PTPRU: variants seen among roughly 807,000 people sequenced by gnomAD.
The protein encoded by PTPRU is protein tyrosine phosphatase receptor type U.
A neutral mutation model predicts 166.3 loss-of-function variants in PTPRU; 69 were observed. The ratio of observed to expected loss-of-function variants is 0.41; its 90% CI spans 0.34 to 0.51. The LOEUF (loss-of-function observed/expected upper bound fraction) is 0.51, where lower values mean the gene tolerates loss of function less well. PTPRU is among the 20% of genes least tolerant of loss of function. The pLI, the probability that PTPRU is intolerant of heterozygous loss-of-function variation, is 0.09. For missense variants in PTPRU, 1,657 were observed against 2,013.7 expected, an observed-to-expected ratio of 0.82 and a Z score of 3.39; for synonymous variants, 793 against 814.0, an observed-to-expected ratio of 0.97 and a Z score of 0.44.
At chr1:29,314,939 C>A (rs79746538) in intron 22 of PTPRU, among the ~76,000 whole-genome samples, 4,275 of 152,264 alleles carry the variant, frequency 0.028, 198 homozygotes, top group African/African-American at 0.097. Flanking sequence ...AGAATGACAT[C>A]ATCCTGGAAG....
chr1:29,273,253 A>C (rs1685648830), intron 7 of PTPRU, among the ~76,000 whole-genome samples: 1 of 152,014 alleles, frequency 6.6e-6, no homozygotes. Flanking sequence ...TTTGCTTCAG[A>C]AGCCTTGACT....
chr1:29,311,717 G>T lies in PTPRU; in HGVS notation c.3030G>T (p.Glu1010Asp). The change falls in exon 21 of 30, where the codon GAG becomes GAT. Residue 1010 changes from glutamate (E) to aspartate (D), a missense_variant. Around this residue, in one of 3 missense-constraint regions of PTPRU, gnomAD observed 1,190 missense variants for 1,477.4 expected, o/e 0.81. Transcript: ENST00000373779. This position sits in a 1 kb window ranked among gnomAD's most constrained non-coding sequence, Gnocchi z 4.1. ...TCAAGATTATGCTGGTGAAGACAGA[G>T]ACCCTGGCTGAGTATGTCGTGCGCA... The part of the protein sequence containing the change: ...GDIKIMLVKT[E>D]TLAEYVVRTF... 6.2e-7 allele frequency: 1 copy of T among 1,614,206 alleles called. No individual in the cohort carries two copies. The highest frequency in any genetic ancestry group is 1.1e-5 in the South Asian group (1 of 91,074).
At chr1:29,324,900 T>A (rs2235942) in intron 28 of PTPRU, among the ~76,000 whole-genome samples, 1 of 150,796 alleles carries the variant, frequency 6.6e-6, no homozygotes, top group Admixed American at 6.6e-5. Context: ...ACCTCTGGAC[T>A]CTTTGGCCCC....
At chr1:29,255,512 T>C (rs534532435) in intron 2 of PTPRU, 106 bp downstream of exon 2, 1 of 1,468,290 alleles carries the variant, frequency 6.8e-7, no homozygotes, top group East Asian at 2.3e-5. Flanking sequence ...CTGGGCCCCA[T>C]CTACATTTGC....
chr1:29,270,765 C>G (rs1452807764), intron 7 of PTPRU, among the ~76,000 whole-genome samples: 5 of 152,174 alleles, frequency 3.3e-5, no homozygotes, highest in Non-Finnish European at 7.4e-5. Flanking sequence ...GAGATTGAGA[C>G]CAGACTGGGG....
At chr1:29,300,060 G>C (rs1244441468) in intron 15 of PTPRU, among the ~76,000 whole-genome samples, 1 of 152,116 alleles carries the variant, frequency 6.6e-6, no homozygotes, top group Non-Finnish European at 1.5e-5. Flanking sequence ...CACGGGGCTG[G>C]GTGCTTTATA....
At chr1:29,269,246 A>ATATT (rs1266094646) in intron 7 of PTPRU, among the ~76,000 whole-genome samples, 13 of 20,584 alleles carry the variant, frequency 6.3e-4, no homozygotes, top group Admixed American at 1.1e-3. Flanking sequence ...ATATATATAT[A>ATATT]TTTTTTTTTT....
Position 29,311,631 on chromosome 1 carries a change from TG to T in PTPRU, c.2956-8del. The T allele has an allele frequency of 6.2e-7, 1 of 1,614,020 alleles. No homozygotes were observed. ...AAAGAGCCCACTGAGTCCCGTCCTG[TG>T]GGGCCTCTAGGTGAAATGCTCACGG... On this transcript the variant is annotated splice_polypyrimidine_tract_variant and intron_variant, in intron 20 of 29. Transcript: ENST00000373779. The surrounding 1 kb of genome is among the most constrained non-coding windows in gnomAD (Gnocchi z 4.1).
At chr1:29,241,614 A>T (rs1273858725) in intron 1 of PTPRU, among the ~76,000 whole-genome samples, 23 of 143,332 alleles carry the variant, frequency 1.6e-4, no homozygotes, top group Non-Finnish European at 7.5e-5. Context: ...CTTTTTTTTG[A>T]GATGGAGTCT....
rs1451953033 is a variant in PTPRU, at chr1:29,284,938, T to C, written c.2318+69T>C. 3 of 1,535,168 alleles carry C rather than the reference T, an allele frequency of 2.0e-6. No homozygotes were observed. The Admixed American group carries it at 5.9e-5, about 30-fold the overall frequency. On this transcript the variant is annotated intron_variant, in intron 14 of 29. Transcript: ENST00000373779. ...TTAGAGGCCTGGTGGCACAGAGGAA[T>C]AGTGGCTAAGAGCTGGTAGGGCAGC... is the stretch of plus-strand genomic sequence containing the variant.
intron 7 of PTPRU, among the ~76,000 whole-genome samples, chr1:29,269,389 C>G (rs895505595): frequency 1.9e-4 from 28 of 150,248 alleles, no homozygotes; most frequent in African/African-American, 6.6e-4. Context: ...GCCAGTGCAT[C>G]CAGCCTAATC....
chr1:29,302,845 G>A (rs756208360), intron 15 of PTPRU, among the ~76,000 whole-genome samples: 3 of 152,004 alleles, frequency 2.0e-5, no homozygotes, highest in East Asian at 1.9e-4. Context: ...CACCACACCC[G>A]GCCCATTTAT....
rs558132576 is a variant in PTPRU, at chr1:29,281,382, G to C, written c.1868+1241G>C. ...TGCCACTGAGTCTGGGATGGGTTGGGAACCCTTTCTTTCTTGTCCTCTTGA... is the reference window on the plus strand; with the variant it reads ...TGCCACTGAGTCTGGGATGGGTTGGCAACCCTTTCTTTCTTGTCCTCTTGA... On this transcript the variant is annotated intron_variant, in intron 11 of 29. Coordinates refer to ENST00000373779, the MANE Select transcript of PTPRU (RefSeq NM_133178.4). Among the ~76,000 whole-genome samples, 13 of 152,240 alleles carry C rather than the reference G, an allele frequency of 8.5e-5. No individual in the cohort carries two copies. The East Asian group carries it at 2.3e-3, about 27-fold the overall frequency.
chr1:29,289,587 C>T (rs1271265586), intron 14 of PTPRU: 6 of 1,501,488 alleles, frequency 4.0e-6, no homozygotes, highest in Admixed American at 3.5e-5. Flanking sequence ...CGGGAGGTAC[C>T]CAGGCCCCAC....
rs931412846 is a variant in PTPRU at position 29,280,651 on chromosome 1, G to C, written c.1868+510G>C. Among the ~76,000 whole-genome samples, 3 of 131,662 alleles carry C rather than the reference G, an allele frequency of 2.3e-5. No individual in the cohort carries two copies. The highest frequency in any genetic ancestry group is 3.2e-5 in the African/African-American group (1 of 30,900). 86.4% of individuals were successfully genotyped at this position (131,662 alleles called of 152,430 possible). On this transcript the variant is annotated intron_variant, in intron 11 of 29. Coordinates refer to ENST00000373779, the MANE Select transcript of PTPRU (RefSeq NM_133178.4). This position sits in a 1 kb window ranked among gnomAD's most constrained non-coding sequence, Gnocchi z 4.2. ...GGGAGAGGGTGCTGGAGACAAGACT[G>C]TGTGTGTGTGTGTGTGTGTGTGTGT...
chr1:29,246,684 G>T (rs1684312880), intron 1 of PTPRU, among the ~76,000 whole-genome samples: 1 of 151,604 alleles, frequency 6.6e-6, no homozygotes, highest in African/African-American at 2.4e-5. Context: ...GGAGCGGTCT[G>T]GGCTCACTGC....
At chr1:29,295,777 C>A (rs1294732256) in intron 15 of PTPRU, among the ~76,000 whole-genome samples, 1 of 152,108 alleles carries the variant, frequency 6.6e-6, no homozygotes, top group East Asian at 1.9e-4. Context: ...ACCTCTGCCT[C>A]CCTGGTTCAA....
intron 1 of PTPRU, among the ~76,000 whole-genome samples, chr1:29,249,840 A>G (rs1206297869): frequency 6.6e-6 from 1 of 152,158 alleles, no homozygotes; most frequent in East Asian, 1.9e-4. Context: ...TGAATCCAGG[A>G]TGAGATAAAC....
intron 13 of PTPRU, 107 bp from the exon 14 acceptor site, chr1:29,284,624 G>C: frequency 6.7e-7 from 1 of 1,483,352 alleles, no homozygotes; most frequent in Non-Finnish European, 9.4e-7. Flanking sequence ...TGAGGATGTA[G>C]GGCGGTTTGT....
Sources: gnomAD v4.1 joint callset for allele counts (sites outside exome capture counted in the v4.1 genomes callset) on GRCh38, gnomAD v4.1.1 for gene constraint, gnomAD v4.1.1 regional missense constraint, Gnocchi (gnomAD v3.1) non-coding constraint, MANE v1.5 for transcripts, NCBI Gene and HGNC (gene_info 2026-07-23, HGNC 2026-07-21) for gene names.